Variants in ARHGAP23 observed in about 807,000 individuals in gnomAD.
ARHGAP23 encodes Rho GTPase activating protein 23.
A neutral mutation model predicts 136.3 loss-of-function variants in ARHGAP23; 34 were observed. That is an observed-to-expected ratio of 0.25 (90% CI 0.19 to 0.33). The LOEUF (loss-of-function observed/expected upper bound fraction) is 0.33. Among genes scored for constraint, ARHGAP23 ranks in the 10% least tolerant of loss-of-function variants. The pLI, the probability that ARHGAP23 is intolerant of heterozygous loss-of-function variation, is 1.00. For missense variants in ARHGAP23, 1,808 were observed against 2,139.0 expected (o/e 0.85, Z 3.05); for synonymous variants, 832 against 920.5 (o/e 0.90, Z 1.74).
At chr17:38,494,445 C>T (rs1464752198) in intron 20 of ARHGAP23, among the ~76,000 whole-genome samples, 2 of 151,934 alleles carry the variant, frequency 1.3e-5, no homozygotes, top group African/African-American at 2.4e-5. Context: ...ATATTGCCAG[C>T]GGGTGTGGTG....
chr17:38,429,132 G>A (rs1464048801), intron 1 of ARHGAP23, among the ~76,000 whole-genome samples: 5 of 152,234 alleles, frequency 3.3e-5, no homozygotes, highest in Non-Finnish European at 7.4e-5. Flanking sequence ...CTAGACACAG[G>A]CCCAGGACCC....
At position 38,490,782 on chromosome 17, in the gene ARHGAP23, C is replaced by T. The variant is rs60126829; in HGVS notation, c.3150+231C>T. 6.5e-3 allele frequency among the ~76,000 whole-genome samples: 993 copies of T among 152,302 alleles called. 8 individuals carry two copies. The highest frequency in any genetic ancestry group is 0.023 in the African/African-American group (954 of 41,558). ...CTTTCCAGAGGCAGGGAACCCCGGC[C>T]CCCCGTATCCGATGCATTGCCATCC... On this transcript the variant is annotated intron_variant, in intron 19 of 23. Coordinates refer to ENST00000622683, the MANE Select transcript of ARHGAP23 (RefSeq NM_001199417.2).
Position 38,509,993 on chromosome 17 carries a change from T to G in ARHGAP23, c.3497T>G (p.Ile1166Ser). Residue 1166 changes from isoleucine (I) to serine (S), a missense_variant, in exon 24 of 24, where the codon ATC (isoleucine) becomes AGC (serine). Transcript: ENST00000622683. ...KEPYAREMLA[I>S]SFISAVNRKR... Reference sequence around the variant, plus strand: ...CCGTACGCCCGGGAGATGCTGGCGATCTCCTTCATCTCGGCCGTCAACCGC... The same window carrying G: ...CCGTACGCCCGGGAGATGCTGGCGAGCTCCTTCATCTCGGCCGTCAACCGC... 8.0e-7 allele frequency: 1 copy of G among 1,249,190 alleles called. No individual in the cohort carries two copies. Among genetic ancestry groups the G allele is most frequent in the Non-Finnish European group, 1.0e-6 (1 of 993,176 alleles). The allele number at this position is 1,249,190 out of a possible 1,614,324, so 77.4% of individuals were successfully genotyped here.
chr17:38,471,809 A>T, intron 10 of ARHGAP23, 54 bp from the exon 11 acceptor site: 2 of 1,475,988 alleles, frequency 1.4e-6, no homozygotes, highest in Non-Finnish European at 1.8e-6. Flanking sequence ...GGGGTTCCTG[A>T]GATGCTGGCA....
intron 22 of ARHGAP23, chr17:38,499,097 AC>A: frequency 3.1e-6 from 2 of 637,800 alleles, no homozygotes; most frequent in Non-Finnish European, 5.7e-6. Flanking sequence ...TTATCCACTT[AC>A]CCCAGCAGTC....
chr17:38,455,618 T>C (rs561113943), intron 1 of ARHGAP23, among the ~76,000 whole-genome samples: 201 of 152,248 alleles, frequency 1.3e-3, no homozygotes, highest in Admixed American at 3.6e-3. Context: ...GGCTTGAACC[T>C]TAATCCAGGA....
intron 1 of ARHGAP23, among the ~76,000 whole-genome samples, chr17:38,429,744 A>T (rs1047765413): frequency 1.7e-4 from 26 of 152,230 alleles, no homozygotes; most frequent in Admixed American, 6.5e-4. Context: ...TCCAAGCATG[A>T]GTCCCTTGGA....
chr17:38,476,490 G>A (rs540960631), intron 11 of ARHGAP23, among the ~76,000 whole-genome samples: 1 of 152,286 alleles, frequency 6.6e-6, no homozygotes, highest in East Asian at 1.9e-4. Flanking sequence ...AAATCACATG[G>A]CCTGGCAAGT....
intron 1 of ARHGAP23, among the ~76,000 whole-genome samples, chr17:38,439,245 T>G (rs1301747346): frequency 6.6e-6 from 1 of 152,096 alleles, no homozygotes; most frequent in Non-Finnish European, 1.5e-5. Context: ...TACCGTCTCT[T>G]TCCCTTGTCT....
At chr17:38,489,426 C>T (rs1212032965) in intron 17 of ARHGAP23, among the ~76,000 whole-genome samples, 4 of 148,732 alleles carry the variant, frequency 2.7e-5, no homozygotes, top group African/African-American at 5.0e-5. Flanking sequence ...TCCTTCCCCC[C>T]GATTGGAAGT....
intron 23 of ARHGAP23, among the ~76,000 whole-genome samples, chr17:38,503,237 C>T (rs2040559560): frequency 6.6e-6 from 1 of 152,192 alleles, no homozygotes; most frequent in Admixed American, 6.5e-5. Flanking sequence ...CAGGGGCACA[C>T]TGGCAGGCAG....
At position 38,490,991 on chromosome 17, in the gene ARHGAP23, T is replaced by G. The variant is rs1444149927; in HGVS notation, c.3151-416T>G. Among the ~76,000 whole-genome samples, 10 of 152,360 alleles carry G rather than the reference T, an allele frequency of 6.6e-5. No individual in the cohort carries two copies. In the East Asian group the frequency reaches 1.7e-3, roughly 26 times the overall value. On this transcript the variant is annotated intron_variant, in intron 19 of 23. Coordinates refer to ENST00000622683, the MANE Select transcript of ARHGAP23 (RefSeq NM_001199417.2). Reference sequence around the variant, plus strand: ...TGCAGTGCCTTGGCACGATCTCGGCTTACTGCAACCTTCGCCTCCCGGGTT... The same window carrying G: ...TGCAGTGCCTTGGCACGATCTCGGCGTACTGCAACCTTCGCCTCCCGGGTT...
At position 38,510,306 on chromosome 17, in the gene ARHGAP23, G is replaced by A; in HGVS notation, c.3810G>A (p.Gly1270=). The A allele has an allele frequency of 7.8e-7, 1 of 1,281,790 alleles. No individual in the cohort carries two copies. The highest frequency in any genetic ancestry group is 2.7e-5 in the South Asian group (1 of 37,056). The allele number at this position is 1,281,790 out of a possible 1,614,324, so 79.4% of individuals were successfully genotyped here. Residue 1270 remains glycine, a synonymous_variant, in exon 24 of 24, where the codon GGG becomes GGA. Coordinates refer to ENST00000622683, the MANE Select transcript of ARHGAP23 (RefSeq NM_001199417.2). This position sits in a 1 kb window ranked among gnomAD's most constrained non-coding sequence, Gnocchi z 4.6. The part of the protein sequence containing the change: ...VCSGASGRRA[G]AGDEADDERS... ...CGGGCGCTAGCGGTCGGCGGGCAGGGGCGGGGGATGAGGCGGACGACGAGC... is the reference window on the plus strand; with the variant it reads ...CGGGCGCTAGCGGTCGGCGGGCAGGAGCGGGGGATGAGGCGGACGACGAGC...
Position 38,463,547 on chromosome 17 carries a change from A to AGCT in ARHGAP23, c.483+169_483+171dup, listed in dbSNP as rs143509281. On this transcript the variant is annotated intron_variant, in intron 6 of 23. Coordinates refer to ENST00000622683, the MANE Select transcript of ARHGAP23 (RefSeq NM_001199417.2). ...TGGGGCTGGTTGTTGCTTCATTCGGAGCTGCTCTGTGCTGGGGGAGCGGGA... is the reference window on the plus strand; with the variant it reads ...TGGGGCTGGTTGTTGCTTCATTCGGAGCTGCTGCTCTGTGCTGGGGGAGCGGGA... Among the ~76,000 whole-genome samples, 498 of 152,204 alleles carry AGCT rather than the reference A, an allele frequency of 3.3e-3. 2 individuals carry two copies. The highest frequency in any genetic ancestry group is 0.012 in the African/African-American group (481 of 41,534).
chr17:38,500,716 T>A (rs191664577), intron 23 of ARHGAP23, 88 bp downstream of exon 23: 19,225 of 1,246,030 alleles, frequency 0.015, 184 homozygotes, highest in Non-Finnish European at 0.018. Flanking sequence ...GGAATGGCAG[T>A]TGGACCATGG....
In ARHGAP23 at chr17:38,469,239, A is replaced by T; in HGVS notation, c.1744A>T (p.Thr582Ser). ...SAMNSAPVLG[T>S]SPSSPTFTFT... Reference sequence around the variant, plus strand: ...CATGAACTCAGCCCCTGTCCTGGGCACCAGCCCATCTTCCCCGACCTTCAC... The same window carrying T: ...CATGAACTCAGCCCCTGTCCTGGGCTCCAGCCCATCTTCCCCGACCTTCAC... The change falls in exon 8 of 24, where the codon ACC becomes TCC. Residue 582 changes from threonine to serine, a missense_variant. Around this residue, in one of 7 missense-constraint regions of ARHGAP23, gnomAD observed 859 missense variants for 936.4 expected, o/e 0.92. Transcript: ENST00000622683. 3 of 1,551,550 alleles carry T rather than the reference A, an allele frequency of 1.9e-6. No individual in the cohort carries two copies. The highest frequency in any genetic ancestry group is 2.6e-6 in the Non-Finnish European group (3 of 1,146,824).
At chr17:38,428,310 C>T, upstream of ARHGAP23, 1 of 255,288 alleles carries the variant, frequency 3.9e-6, no homozygotes, top group Non-Finnish European at 7.1e-6. Context: ...AGCGAGGCCG[C>T]CGGGGCACCC....
intron 1 of ARHGAP23, chr17:38,457,591 C>T (rs1342175179): frequency 1.7e-5 from 3 of 172,200 alleles, no homozygotes; most frequent in African/African-American, 7.2e-5. Flanking sequence ...TGCATATTTG[C>T]ACATGCTTGT....
chr17:38,485,722 C>G (rs773183553), intron 16 of ARHGAP23, among the ~76,000 whole-genome samples: 1 of 152,160 alleles, frequency 6.6e-6, no homozygotes, highest in Admixed American at 6.5e-5. Flanking sequence ...GGAGCCGGCA[C>G]GAATGACTGC....
Sources: allele counts gnomAD v4.1 joint callset (sites outside exome capture counted in the v4.1 genomes callset), GRCh38; gene constraint gnomAD v4.1.1; regional missense constraint gnomAD v4.1.1; non-coding constraint Gnocchi (gnomAD v3.1); transcripts MANE v1.5; gene names NCBI Gene and HGNC (gene_info 2026-07-23, HGNC 2026-07-21).